NCAPD3: variants seen among roughly 807,000 people sequenced by gnomAD.
NCAPD3 encodes the protein condensin-2 complex subunit D3.
Under a neutral mutation model 182.9 loss-of-function variants are expected in NCAPD3, and 105 were observed. The observed-to-expected ratio is 0.57, with a 90% CI of 0.49 to 0.68. The LOEUF (loss-of-function observed/expected upper bound fraction) is 0.68, where lower values mean the gene tolerates loss of function less well. NCAPD3 is among the 30% of genes least tolerant of loss of function. The pLI, the probability that NCAPD3 is intolerant of heterozygous loss-of-function variation, is 0.00. For missense variants in NCAPD3, 1,944 were observed against 1,837.0 expected, an observed-to-expected ratio of 1.06 and a Z score of -1.07; for synonymous variants, 815 against 679.9, an observed-to-expected ratio of 1.20 and a Z score of -3.09.
At position 134,157,938 on chromosome 11, in the gene NCAPD3, C is replaced by A; in HGVS notation, c.4164G>T (p.Thr1388=). 6.2e-7 allele frequency: 1 copy of A among 1,613,782 alleles called. No homozygotes were observed. The highest frequency in any genetic ancestry group is 8.5e-7 in the Non-Finnish European group (1 of 1,179,760). Residue 1388 remains threonine, a synonymous_variant, in exon 31 of 35, where the codon ACG becomes ACT. Coordinates refer to ENST00000534548, the MANE Select transcript of NCAPD3 (RefSeq NM_015261.3). The part of the protein sequence containing the change: ...FTLNSGSPEK[T]CSQVSSYSLE... ...AAACATAAGGCTTACCCTGACTGCA[C>A]GTTTTTTCTGGGCTTCCAGAATTTA... is the stretch of plus-strand genomic sequence containing the variant.
intron 27 of NCAPD3, among the ~76,000 whole-genome samples, chr11:134,167,172 G>T (rs1943856029): frequency 7.2e-6 from 1 of 138,954 alleles, no homozygotes; most frequent in African/African-American, 2.8e-5. Context: ...GTGAGCTTGG[G>T]GGAGGCGCAC....
intron 27 of NCAPD3, among the ~76,000 whole-genome samples, chr11:134,165,507 C>A (rs865969532): frequency 8.7e-6 from 1 of 115,094 alleles, no homozygotes; most frequent in Non-Finnish European, 1.8e-5. Context: ...GATGAGCTTA[C>A]GGGAGCAGCA....
chr11:134,212,956 C>T (rs779367713), intron 3 of NCAPD3, among the ~76,000 whole-genome samples: 4 of 152,158 alleles, frequency 2.6e-5, no homozygotes, highest in Non-Finnish European at 5.9e-5. Context: ...AACCCAGCTA[C>T]ATTGATAATT....
intron 2 of NCAPD3, among the ~76,000 whole-genome samples, chr11:134,219,348 A>T (rs1268518361): frequency 6.6e-6 from 1 of 152,104 alleles, no homozygotes; most frequent in Non-Finnish European, 1.5e-5. Context: ...CAGGCGCCCA[A>T]ATGCACAGTG....
intron 27 of NCAPD3, among the ~76,000 whole-genome samples, chr11:134,165,141 G>A (rs1485548110): frequency 6.6e-6 from 1 of 150,752 alleles, no homozygotes; most frequent in Non-Finnish European, 1.5e-5. Context: ...TAGGGGAGCA[G>A]CACACTCACT....
rs1555141239 is a variant in NCAPD3, at chr11:134,203,063, G to C, written c.1525+79C>G. On this transcript the variant is annotated intron_variant, in intron 12 of 34. Transcript: ENST00000534548. ...CAATGTTAAAGCAGGTAAATAAGGA[G>C]GTAAGAAAAACATTTTAAATATTCC... 3.2e-6 allele frequency: 4 copies of C among 1,248,216 alleles called. No homozygotes were observed. In the South Asian group the frequency reaches 4.0e-5, roughly 13 times the overall value. The allele number at this position is 1,248,216 out of a possible 1,614,324, so 77.3% of individuals were successfully genotyped here.
chr11:134,187,757 T>C (rs992516598), intron 16 of NCAPD3, among the ~76,000 whole-genome samples: 16 of 152,158 alleles, frequency 1.1e-4, no homozygotes, highest in Non-Finnish European at 2.4e-4. Flanking sequence ...TCCACTAAAA[T>C]TGTGACTTGC....
rs184840117 is a variant in NCAPD3 at position 134,180,399 on chromosome 11, C to T, written c.2559+678G>A. ...AATAATGATCTGTGCTGAATGGCAT[C>T]AAAAAGCAGCTCATTATTTCCTTTA... is the stretch of plus-strand genomic sequence containing the variant. On this transcript the variant is annotated intron_variant, in intron 20 of 34. Transcript: ENST00000534548. Among the ~76,000 whole-genome samples the T allele has an allele frequency of 1.6e-3, 245 of 152,238 alleles. 1 individual carries two copies. The highest frequency in any genetic ancestry group is 2.1e-3 in the Non-Finnish European group (140 of 68,014).
intron 32 of NCAPD3, among the ~76,000 whole-genome samples, chr11:134,154,851 G>A (rs570401262): frequency 2.2e-4 from 33 of 152,316 alleles, no homozygotes; most frequent in South Asian, 2.1e-4. Context: ...CTGTGTACCC[G>A]ATGGCTACTT....
intron 25 of NCAPD3, 71 bp from the exon 26 acceptor site, chr11:134,168,673 A>C: frequency 6.3e-7 from 1 of 1,587,368 alleles, no homozygotes; most frequent in South Asian, 1.1e-5. Context: ...CTGCACTTTA[A>C]CTGCATCCTA....
At chr11:134,222,291 CAACA>C (rs1938259763) in intron 1 of NCAPD3, among the ~76,000 whole-genome samples, 1 of 152,206 alleles carries the variant, frequency 6.6e-6, no homozygotes. Context: ...CCTATTCACT[CAACA>C]AACACTTTGA....
chr11:134,213,656 C>T (rs1226722387), intron 3 of NCAPD3, among the ~76,000 whole-genome samples: 2 of 151,278 alleles, frequency 1.3e-5, no homozygotes, highest in African/African-American at 4.8e-5. Context: ...AAAGAAAAGC[C>T]ATGACCACGT....
At chr11:134,185,124 G>T in intron 17 of NCAPD3, 124 bp from the exon 18 acceptor site, 1 of 913,650 alleles carries the variant, frequency 1.1e-6, no homozygotes, top group Non-Finnish European at 1.7e-6. Context: ...TAGGAGTCAA[G>T]CTGTGGGAAC....
intron 16 of NCAPD3, among the ~76,000 whole-genome samples, chr11:134,188,676 C>T (rs1198414222): frequency 1.3e-5 from 2 of 151,910 alleles, no homozygotes; most frequent in Non-Finnish European, 2.9e-5. Context: ...AGCGAGACCA[C>T]GAACCCACCA....
At chr11:134,206,898 GATACAA>G (rs1937626550) in intron 7 of NCAPD3, among the ~76,000 whole-genome samples, 166 bp from the exon 8 acceptor site, 1 of 152,130 alleles carries the variant, frequency 6.6e-6, no homozygotes. Flanking sequence ...AATGAGCAGG[GATACAA>G]TAAATGCACA....
rs984124050 is a variant in NCAPD3 at position 134,151,155 on chromosome 11, G to A, written c.*1789C>T. 2.0e-5 allele frequency: 3 copies of A among 152,268 alleles called. No individual in the cohort carries two copies. The highest frequency in any genetic ancestry group is 4.4e-5 in the Non-Finnish European group (3 of 68,074). 9.4% of individuals were successfully genotyped at this position (152,268 alleles called of 1,614,324 possible). Reference sequence around the variant, plus strand: ...CTCTCACTACTCACCTTGTCTTTCAGCTTCCAGTGTCTTGGGTTTTTTATA... The same window carrying A: ...CTCTCACTACTCACCTTGTCTTTCAACTTCCAGTGTCTTGGGTTTTTTATA... On this transcript the variant is annotated 3_prime_UTR_variant, in exon 35 of 35. Transcript: ENST00000534548.
At chr11:134,180,103 A>C (rs1049446068) in intron 20 of NCAPD3, among the ~76,000 whole-genome samples, 6 of 152,094 alleles carry the variant, frequency 3.9e-5, no homozygotes, top group African/African-American at 1.4e-4. Context: ...AGAAATGAGA[A>C]GAGCAAGACC....
intron 3 of NCAPD3, among the ~76,000 whole-genome samples, chr11:134,211,104 T>C (rs1937817696): frequency 6.6e-6 from 1 of 152,208 alleles, no homozygotes; most frequent in South Asian, 2.1e-4. Flanking sequence ...ACATTTGAGT[T>C]GTGGCCAGCC....
chr11:134,168,247 C>A (rs572348709), intron 26 of NCAPD3, 52 bp from the exon 27 acceptor site: 2 of 1,558,760 alleles, frequency 1.3e-6, no homozygotes, highest in Non-Finnish European at 1.8e-6. Context: ...TGCTCTGGCC[C>A]AGAGAGGAGG....
Sources: gnomAD v4.1 joint callset for allele counts (sites outside exome capture counted in the v4.1 genomes callset) on GRCh38, gnomAD v4.1.1 for gene constraint, MANE v1.5 for transcripts, NCBI Gene and HGNC (gene_info 2026-07-23, HGNC 2026-07-21) for gene names.